CCT4: variants seen among roughly 807,000 people sequenced by gnomAD.
CCT4 encodes the protein T-complex protein 1 subunit delta.
Under a neutral mutation model 62.5 loss-of-function variants are expected in CCT4, and 17 were observed. The observed-to-expected ratio is 0.27, with a 90% confidence interval of 0.19 to 0.41. The LOEUF (loss-of-function observed/expected upper bound fraction) is 0.41, where lower values mean the gene tolerates loss of function less well. Among genes scored for constraint, CCT4 ranks in the 10% least tolerant of loss-of-function variants. The pLI is 1.00. For missense variants in CCT4, 592 were observed against 659.2 expected, an observed-to-expected ratio of 0.90 and a Z score of 1.12; for synonymous variants, 250 against 229.9, an observed-to-expected ratio of 1.09 and a Z score of -0.79.
intron 12 of CCT4, 58 bp from the exon 13 acceptor site, chr2:61,869,611 C>T (rs1668842625): frequency 1.1e-6 from 1 of 907,938 alleles, no homozygotes; most frequent in Non-Finnish European, 1.9e-6. Flanking sequence ...ACATCAGCAG[C>T]CACGTGGTTA....
intron 3 of CCT4, among the ~76,000 whole-genome samples, chr2:61,881,780 G>A (rs1669120613): frequency 6.6e-6 from 1 of 151,732 alleles, no homozygotes; most frequent in African/African-American, 2.4e-5. Context: ...TTAACATGCT[G>A]TGGTATACTG....
At chr2:61,885,134 G>A (rs1669221653) in intron 1 of CCT4, 62 bp from the exon 2 acceptor site, 1 of 1,325,972 alleles carries the variant, frequency 7.5e-7, no homozygotes, top group Non-Finnish European at 1.0e-6. Flanking sequence ...AAGAGACAGG[G>A]TCTTACTATA....
Position 61,888,403 on chromosome 2 carries a change from G to A in CCT4, c.105C>T (p.Phe35=), listed in dbSNP as rs1042452002. 2.5e-6 allele frequency: 4 copies of A among 1,613,146 alleles called. No homozygotes were observed. The highest frequency in any genetic ancestry group is 2.5e-6 in the Non-Finnish European group (3 of 1,179,688). ...TACCTTTGGCGGCGGAAATGTTGCT[G>A]AAGCGGATCTGGGCTGGCTTGTCGC... The part of the protein sequence containing the change: ...QDRDKPAQIR[F]SNISAAKAVA... Residue 35 remains phenylalanine (F), a synonymous_variant, in exon 1 of 14, where the codon TTC becomes TTT. Coordinates refer to ENST00000394440, the MANE Select transcript of CCT4 (RefSeq NM_006430.4).
intron 4 of CCT4, among the ~76,000 whole-genome samples, chr2:61,879,254 T>C (rs576752860): frequency 0.018 from 1,979 of 111,646 alleles, 47 homozygotes; most frequent in African/African-American, 0.063. Context: ...CCAAATTTTA[T>C]ACTTTTTTTT....
chr2:61,877,082 G>C (rs765219920), intron 6 of CCT4, 30 bp from the exon 7 acceptor site: 3 of 1,599,540 alleles, frequency 1.9e-6, no homozygotes, highest in South Asian at 1.1e-5. Context: ...AAGAGGGGTA[G>C]TTAAGAGGGA....
At chr2:61,881,944 T>C (rs1669125983) in intron 3 of CCT4, among the ~76,000 whole-genome samples, 1 of 151,910 alleles carries the variant, frequency 6.6e-6, no homozygotes, top group Admixed American at 6.6e-5. Context: ...TCCTTTTTTT[T>C]TTTTTTGAGA....
At position 61,872,442 on chromosome 2, in the gene CCT4, G is replaced by A. The variant is rs1438067046; in HGVS notation, c.1256+16C>T. Reference sequence around the variant, plus strand: ...AATGTTCAAAATGTTACTTAATAATGTAACACTGACATTACCTCTTCTTCA... The same window carrying A: ...AATGTTCAAAATGTTACTTAATAATATAACACTGACATTACCTCTTCTTCA... On this transcript the variant is annotated intron_variant, in intron 11 of 13. Transcript: ENST00000394440. 5.0e-6 allele frequency: 8 copies of A among 1,594,842 alleles called. No homozygotes were observed. In the East Asian group the frequency reaches 9.0e-5, roughly 18 times the overall value.
chr2:61,871,322 GCCA>G (rs1182618015), intron 12 of CCT4, among the ~76,000 whole-genome samples: 1 of 152,096 alleles, frequency 6.6e-6, no homozygotes, highest in Non-Finnish European at 1.5e-5. Flanking sequence ...ACAGGCGTGA[GCCA>G]CCACGTCAGG....
intron 4 of CCT4, among the ~76,000 whole-genome samples, chr2:61,879,462 G>A (rs1241743433): frequency 2.1e-5 from 3 of 144,214 alleles, no homozygotes. Context: ...TTTTTTGGTG[G>A]AGACAGGGTT....
Position 61,876,987 on chromosome 2 carries a change from C to A in CCT4, c.710G>T (p.Gly237Val). Residue 237 changes from glycine (G) to valine (V), a missense_variant, in exon 7 of 14, where the codon GGC (glycine) becomes GTC (valine). Gly to Val is a moderately radical substitution (Grantham distance 109, BLOSUM62 -3). Around this residue, in one of 3 missense-constraint regions of CCT4, gnomAD observed 522 missense variants for 571.2 expected, o/e 0.91. Coordinates refer to ENST00000394440, the MANE Select transcript of CCT4 (RefSeq NM_006430.4). Reference sequence around the variant, plus strand: ...CTTGGCCTTTTCAACTCTGGTTATGCCAGAATTTGACACTTTTTGGGTGAG... The same window carrying A: ...CTTGGCCTTTTCAACTCTGGTTATGACAGAATTTGACACTTTTTGGGTGAG... ...LVLTQKVSNS[G>V]ITRVEKAKIG... is the part of the protein sequence containing the mutation. The A allele has an allele frequency of 1.2e-6, 2 of 1,613,530 alleles. No individual in the cohort carries two copies. Among genetic ancestry groups the A allele is most frequent in the South Asian group, 2.2e-5 (2 of 91,060 alleles).
chr2:61,879,877 C>G (rs999418758), intron 4 of CCT4, among the ~76,000 whole-genome samples: 2 of 151,880 alleles, frequency 1.3e-5, no homozygotes, highest in Non-Finnish European at 2.9e-5. Flanking sequence ...ATTACAGGCA[C>G]GCGCCACCAT....
At chr2:61,875,814 C>T (rs1384575743) in intron 8 of CCT4, among the ~76,000 whole-genome samples, 1 of 151,988 alleles carries the variant, frequency 6.6e-6, no homozygotes, top group East Asian at 1.9e-4. Context: ...TTTGAATTTA[C>T]AAGTCATATA....
At chr2:61,886,968 A>C (rs1003166234) in intron 1 of CCT4, among the ~76,000 whole-genome samples, 8 of 152,164 alleles carry the variant, frequency 5.3e-5, no homozygotes, top group Admixed American at 3.9e-4. Context: ...CATGTTGGTC[A>C]GGCTGGTCTT....
chr2:61,888,350 G>A (rs758058284), intron 1 of CCT4, 31 bp downstream of exon 1: 14 of 1,601,022 alleles, frequency 8.7e-6, no homozygotes, highest in South Asian at 2.2e-5. Flanking sequence ...ACAACCCCGC[G>A]GCGCCGCGGG....
chr2:61,869,800 A>T (rs1228625783), intron 12 of CCT4, among the ~76,000 whole-genome samples: 1 of 151,632 alleles, frequency 6.6e-6, no homozygotes, highest in Non-Finnish European at 1.5e-5. Flanking sequence ...TGCCCGGCTA[A>T]TTTTTTGTAT....
At chr2:61,887,342 C>A (rs933512830) in intron 1 of CCT4, among the ~76,000 whole-genome samples, 1 of 152,138 alleles carries the variant, frequency 6.6e-6, no homozygotes, top group African/African-American at 2.4e-5. Context: ...ATACGTGGGT[C>A]TTTATATGCT....
chr2:61,885,148 T>G (rs1669222450), intron 1 of CCT4, 76 bp from the exon 2 acceptor site: 2 of 1,167,988 alleles, frequency 1.7e-6, no homozygotes, highest in Non-Finnish European at 2.3e-6. Context: ...TACTATATTG[T>G]CCAGGATGGC....
intron 8 of CCT4, among the ~76,000 whole-genome samples, chr2:61,874,472 T>A (rs1668955061): frequency 6.6e-6 from 1 of 151,966 alleles, no homozygotes; most frequent in South Asian, 2.1e-4. Flanking sequence ...TAGCCAGGCG[T>A]GGTGGCACGT....
At chr2:61,873,803 T>G (rs1447463908) in intron 8 of CCT4, among the ~76,000 whole-genome samples, 1 of 152,144 alleles carries the variant, frequency 6.6e-6, no homozygotes, top group East Asian at 1.9e-4. Context: ...TGACTTCAGG[T>G]GATCCACCCG....
Sources: gnomAD v4.1 joint callset for allele counts (sites outside exome capture counted in the v4.1 genomes callset) on GRCh38, gnomAD v4.1.1 for gene constraint, gnomAD v4.1.1 regional missense constraint, MANE v1.5 for transcripts, NCBI Gene and HGNC (gene_info 2026-07-23, HGNC 2026-07-21) for gene names.